CHMP1A: variants seen among roughly 807,000 people sequenced by gnomAD.
CHMP1A encodes VPS46 homolog A.
In CHMP1A, 17 loss-of-function variants were observed where a neutral mutation model predicts 27.0. That is an observed-to-expected ratio of 0.63 (90% CI 0.43 to 0.95). The LOEUF (loss-of-function observed/expected upper bound fraction) is 0.95. Ranked by LOEUF, CHMP1A falls within the 40% of genes least tolerant of loss-of-function variation. CHMP1A has a pLI of 0.00. For synonymous variants in CHMP1A, 131 were observed against 107.5 expected (o/e 1.22, Z -1.35); for missense variants, 275 against 264.0 (o/e 1.04, Z -0.29).
chr16:89,646,894 C>G (rs1165686010), intron 5 of CHMP1A, 180 bp from the exon 6 acceptor site: 2 of 704,664 alleles, frequency 2.8e-6, no homozygotes, highest in Non-Finnish European at 4.8e-6. Context: ...GCCCCCCCAC[C>G]CAGCCCCACC....
At chr16:89,647,609 C>CTGCTGTGCCCTCCTGG in intron 4 of CHMP1A, among the ~76,000 whole-genome samples, 2 of 130,710 alleles carry the variant, frequency 1.5e-5, no homozygotes, top group Non-Finnish European at 3.4e-5. Context: ...GACGTGGAGA[C>CTGCTGTGCCCTCCTGG]CCAGTGCGGG....
intron 2 of CHMP1A, among the ~76,000 whole-genome samples, chr16:89,652,145 C>T (rs1235798317): frequency 2.0e-5 from 3 of 152,212 alleles, no homozygotes; most frequent in African/African-American, 4.8e-5. Context: ...AAGCAGCTTC[C>T]GGGGATCTAA....
rs938690413 is a variant in CHMP1A, at chr16:89,644,601, C to G, written c.*1465G>C. ...CTGTTACCCACGATGGACAGAAGGACGTTCTCTCAACACCAGGGTTGATTT... is the reference window on the plus strand; with the variant it reads ...CTGTTACCCACGATGGACAGAAGGAGGTTCTCTCAACACCAGGGTTGATTT... On this transcript the variant is annotated 3_prime_UTR_variant, in exon 7 of 7. Coordinates refer to ENST00000397901, the MANE Select transcript of CHMP1A (RefSeq NM_002768.5). The G allele has an allele frequency of 6.6e-6, 1 of 152,386 alleles. No individual in the cohort carries two copies. Among genetic ancestry groups the G allele is most frequent in the Non-Finnish European group, 1.5e-5 (1 of 68,170 alleles). The allele number at this position is 152,386 out of a possible 1,614,324, so 9.4% of individuals were successfully genotyped here. A position where few individuals can be genotyped will look rare whatever the true frequency, so the allele number is the denominator to read the frequency against.
chr16:89,646,260 G>A (rs1404763640), intron 6 of CHMP1A, among the ~76,000 whole-genome samples, 173 bp from the exon 7 acceptor site: 2 of 152,244 alleles, frequency 1.3e-5, no homozygotes, highest in Non-Finnish European at 2.9e-5. Flanking sequence ...TAGGAAGGGT[G>A]CAGTATTCTA....
Position 89,645,522 on chromosome 16 carries a change from C to A in CHMP1A, c.*544G>T. On this transcript the variant is annotated 3_prime_UTR_variant, in exon 7 of 7. Coordinates refer to ENST00000397901, the MANE Select transcript of CHMP1A (RefSeq NM_002768.5). ...CTGGTAGGGGCGGCCGAGACACCAC[C>A]CCTGGAGTGATGGAGGAGGAGGATG... The A allele has an allele frequency of 5.1e-6, 1 of 194,362 alleles. No individual in the cohort carries two copies. The highest frequency in any genetic ancestry group is 1.1e-5 in the Non-Finnish European group (1 of 92,822). The allele number at this position is 194,362 out of a possible 1,614,324, so 12.0% of individuals were successfully genotyped here.
At chr16:89,654,401 C>T (rs182291625) in intron 1 of CHMP1A, among the ~76,000 whole-genome samples, 45 of 152,138 alleles carry the variant, frequency 3.0e-4, no homozygotes, top group Admixed American at 8.5e-4. Context: ...GGTTTGAGGC[C>T]AGCCTGGGCC....
At chr16:89,653,426 C>G (rs1235918672) in intron 2 of CHMP1A, among the ~76,000 whole-genome samples, 1 of 150,338 alleles carries the variant, frequency 6.7e-6, no homozygotes, top group Admixed American at 6.6e-5. Flanking sequence ...CGAGACCATC[C>G]TGGCCAACGT....
At chr16:89,655,169 C>A (rs552152567) in intron 1 of CHMP1A, among the ~76,000 whole-genome samples, 3 of 152,084 alleles carry the variant, frequency 2.0e-5, no homozygotes, top group Non-Finnish European at 4.4e-5. Context: ...CTCTGGGCAT[C>A]GTTCAATCTA....
chr16:89,646,912 T>TGTGCC (rs1342703478), intron 5 of CHMP1A, 198 bp from the exon 6 acceptor site: 9 of 512,226 alleles, frequency 1.8e-5, no homozygotes, highest in Non-Finnish European at 2.7e-5. Flanking sequence ...ACCCTCTGAC[T>TGTGCC]GTGCCATGCC....
intron 3 of CHMP1A, among the ~76,000 whole-genome samples, chr16:89,650,103 A>C (rs2151514262): frequency 6.6e-6 from 1 of 152,328 alleles, no homozygotes; most frequent in Admixed American, 6.5e-5. Context: ...GTGAAGAGTT[A>C]CCAAAGTCCA....
At chr16:89,646,460 C>G (rs1221003754) in intron 6 of CHMP1A, 67 bp downstream of exon 6, 1 of 1,452,978 alleles carries the variant, frequency 6.9e-7, no homozygotes, top group East Asian at 2.5e-5. Context: ...AACCCACAAC[C>G]CTCTCTCCCT....
At chr16:89,646,258 G>A (rs571651268) in intron 6 of CHMP1A, among the ~76,000 whole-genome samples, 171 bp from the exon 7 acceptor site, 25 of 152,330 alleles carry the variant, frequency 1.6e-4, no homozygotes, top group African/African-American at 5.8e-4. Context: ...GTTAGGAAGG[G>A]TGCAGTATTC....
At position 89,647,190 on chromosome 16, in the gene CHMP1A, AG is replaced by A; in HGVS notation, c.381+12del. 1 of 1,607,476 alleles carries A rather than the reference AG, an allele frequency of 6.2e-7. No individual in the cohort carries two copies. Among genetic ancestry groups the A allele is most frequent in the East Asian group, 2.2e-5 (1 of 44,644 alleles). Reference sequence around the variant, plus strand: ...GTCCCCAGGCCACAGCCCCAAGGGTAGGGGCCACATACCGATGTATGGACGT... The same window carrying A: ...GTCCCCAGGCCACAGCCCCAAGGGTAGGGCCACATACCGATGTATGGACGT... On this transcript the variant is annotated intron_variant, in intron 5 of 6. Coordinates refer to ENST00000397901, the MANE Select transcript of CHMP1A (RefSeq NM_002768.5).
chr16:89,653,850 T>C lies in CHMP1A; in HGVS notation c.27+54A>G, dbSNP rs1349633366. 3.8e-6 allele frequency: 6 copies of C among 1,582,556 alleles called. 1 individual carries two copies. The highest frequency in any genetic ancestry group is 3.3e-5 in the Admixed American group (2 of 59,918). On this transcript the variant is annotated intron_variant, in intron 2 of 6. Transcript: ENST00000397901. ...TGTGGCTCTGAGTGAGCGTGGCTTA[T>C]ACTATCTGTCCTCACCAGAACAGGG...
intron 1 of CHMP1A, among the ~76,000 whole-genome samples, chr16:89,657,300 C>T (rs2059889728): frequency 2.0e-5 from 3 of 148,094 alleles, no homozygotes; most frequent in South Asian, 4.4e-4. Context: ...GGAAGGGGTT[C>T]CGGGTCGGGT....
chr16:89,653,019 T>C (rs2059837294), intron 2 of CHMP1A, among the ~76,000 whole-genome samples: 1 of 112,672 alleles, frequency 8.9e-6, no homozygotes, highest in Non-Finnish European at 1.7e-5. Flanking sequence ...TTTTTTCTTT[T>C]CTTTTTTTTT....
chr16:89,650,412 A>G (rs669563), intron 3 of CHMP1A, among the ~76,000 whole-genome samples: 150,036 of 152,272 alleles, frequency 0.99, 73,942 homozygotes, highest in East Asian at 1. Context: ...GCACCCCTGT[A>G]AGCCTCCAGC....
chr16:89,655,372 TCCC>T (rs1425960486), intron 1 of CHMP1A, among the ~76,000 whole-genome samples: 76 of 50,788 alleles, frequency 1.5e-3, no homozygotes, highest in African/African-American at 3.0e-3. Flanking sequence ...ATCTCAGCTT[TCCC>T]TCACCTCAGC....
At chr16:89,646,999 G>T in intron 5 of CHMP1A, 1 of 1,497,440 alleles carries the variant, frequency 6.7e-7, no homozygotes, top group Non-Finnish European at 8.9e-7. Context: ...GGAGCCAGGT[G>T]CCTGCAGGAG....
Sources: allele counts gnomAD v4.1 joint callset (sites outside exome capture counted in the v4.1 genomes callset), GRCh38; gene constraint gnomAD v4.1.1; transcripts MANE v1.5; gene names NCBI Gene and HGNC (gene_info 2026-07-23, HGNC 2026-07-21).